IL1RAPL1: variants seen among roughly 807,000 people sequenced by gnomAD.
IL1RAPL1 encodes interleukin 1 receptor accessory protein like 1.
IL1RAPL1 carries 3 observed loss-of-function variants against 48.4 expected under a neutral mutation model. The observed-to-expected ratio is 0.06, with a 90% CI of 0.03 to 0.16. The LOEUF is 0.16. Among genes scored for constraint, IL1RAPL1 ranks in the 10% least tolerant of loss-of-function variants. The probability of loss-of-function intolerance (pLI) is 1.00; values close to 1 mark genes in which losing one functional copy is unlikely to be tolerated. For synonymous variants in IL1RAPL1, 185 were observed against 187.7 expected (o/e 0.99, Z 0.12); for missense variants, 349 against 530.6 (o/e 0.66, Z 3.36).
intron 2 of IL1RAPL1, among the ~76,000 whole-genome samples, chrX:29,242,711 C>T (rs1353407222): frequency 9.0e-6 from 1 of 111,560 alleles, no homozygotes; most frequent in Non-Finnish European, 1.9e-5. Context: ...TTAGATAGTA[C>T]GTATTTAATA....
chrX:28,755,936 G>A (rs971389772), intron 1 of IL1RAPL1, among the ~76,000 whole-genome samples: 7 of 111,552 alleles, frequency 6.3e-5, no homozygotes, highest in South Asian at 3.7e-4. Flanking sequence ...ATTGCTACTC[G>A]TTCTGGGGGC....
At chrX:29,342,794 G>A (rs996669894) in intron 3 of IL1RAPL1, among the ~76,000 whole-genome samples, 1 of 112,430 alleles carries the variant, frequency 8.9e-6, no homozygotes, top group Non-Finnish European at 1.9e-5. Context: ...TAAAAATTAC[G>A]ATGTTGATAA....
intron 2 of IL1RAPL1, among the ~76,000 whole-genome samples, chrX:29,130,367 A>G (rs955190266): frequency 2.7e-5 from 3 of 112,041 alleles, no homozygotes; most frequent in Non-Finnish European, 5.6e-5. Context: ...TTGGTTCTTT[A>G]TCCACTTATT....
intron 3 of IL1RAPL1, among the ~76,000 whole-genome samples, chrX:29,372,601 G>C (rs949422218): frequency 4.5e-5 from 5 of 110,791 alleles, no homozygotes; most frequent in Admixed American, 1.9e-4. Flanking sequence ...TATGGTGAAA[G>C]GTAGGGGTCC....
chrX:28,598,197 T>C (rs1466165874), intron 1 of IL1RAPL1, among the ~76,000 whole-genome samples: 2 of 112,583 alleles, frequency 1.8e-5, no homozygotes, highest in Non-Finnish European at 3.8e-5. Context: ...GATTTATTTC[T>C]AACAAGTGTG....
intron 8 of IL1RAPL1, among the ~76,000 whole-genome samples, chrX:29,924,183 C>CA (rs1932867844): frequency 8.9e-6 from 1 of 111,896 alleles, no homozygotes; most frequent in Non-Finnish European, 1.9e-5. Flanking sequence ...ACTTAGCACC[C>CA]AAAAAATGTT....
At chrX:29,054,694 T>G (rs764678842) in intron 2 of IL1RAPL1, among the ~76,000 whole-genome samples, 1 of 112,260 alleles carries the variant, frequency 8.9e-6, no homozygotes, top group South Asian at 3.7e-4. Context: ...TTACACTGAA[T>G]TGGGTTTTGG....
At chrX:28,768,755 CTATATATA>C (rs1207885215) in intron 1 of IL1RAPL1, among the ~76,000 whole-genome samples, 87 of 34,875 alleles carry the variant, frequency 2.5e-3, no homozygotes, top group African/African-American at 9.9e-3. Context: ...CTCTCTCTCT[CTATATATA>C]TATATATATA....
intron 2 of IL1RAPL1, among the ~76,000 whole-genome samples, chrX:28,952,579 T>C (rs1223010688): frequency 1.8e-5 from 2 of 111,470 alleles, no homozygotes; most frequent in Non-Finnish European, 3.8e-5. Flanking sequence ...ATGTTTTTTT[T>C]CCAATTGAAG....
chrX:29,116,940 T>TA (rs1928689662), intron 2 of IL1RAPL1, among the ~76,000 whole-genome samples: 1 of 111,518 alleles, frequency 9.0e-6, no homozygotes, highest in Admixed American at 9.6e-5. Flanking sequence ...AGATATTTCA[T>TA]ATATATTACC....
intron 6 of IL1RAPL1, among the ~76,000 whole-genome samples, chrX:29,730,841 A>G: frequency 9.0e-6 from 1 of 111,722 alleles, no homozygotes; most frequent in Middle Eastern, 4.6e-3. Flanking sequence ...TCCCACAGAT[A>G]TGAGATGACA....
intron 3 of IL1RAPL1, among the ~76,000 whole-genome samples, chrX:29,385,181 G>A (rs774465660): frequency 2.7e-5 from 3 of 112,113 alleles, no homozygotes; most frequent in African/African-American, 6.5e-5. Flanking sequence ...ACCCATGGGC[G>A]CAGTGGCTCA....
At chrX:28,849,063 A>G (rs1601930131) in intron 2 of IL1RAPL1, among the ~76,000 whole-genome samples, 1 of 109,844 alleles carries the variant, frequency 9.1e-6, no homozygotes, top group East Asian at 2.9e-4. Flanking sequence ...ATCATTTTGC[A>G]TTTTATAAAA....
At chrX:29,527,098 A>C (rs1225646337) in intron 5 of IL1RAPL1, among the ~76,000 whole-genome samples, 2 of 111,031 alleles carry the variant, frequency 1.8e-5, no homozygotes, top group Admixed American at 1.9e-4. Context: ...AACCAAATAC[A>C]TATAGAATTG....
At chrX:29,319,720 G>A (rs1490605051) in intron 3 of IL1RAPL1, among the ~76,000 whole-genome samples, 3 of 110,126 alleles carry the variant, frequency 2.7e-5, no homozygotes, top group African/African-American at 9.9e-5. Context: ...CTCAATGGGT[G>A]TTCCCATTCA....
chrX:29,586,804 A>G (rs1923180983), intron 5 of IL1RAPL1, among the ~76,000 whole-genome samples: 1 of 110,950 alleles, frequency 9.0e-6, no homozygotes, highest in African/African-American at 3.3e-5. Context: ...TGTAAATGGG[A>G]TTATTTTATT....
At chrX:29,802,820 T>TACATGTAC (rs1200124712) in intron 6 of IL1RAPL1, among the ~76,000 whole-genome samples, 1 of 52,834 alleles carries the variant, frequency 1.9e-5, no homozygotes, top group Non-Finnish European at 3.4e-5. Context: ...TGTGTGTATA[T>TACATGTAC]ATATGTATAC....
chrX:29,333,214 A>G (rs1351078648), intron 3 of IL1RAPL1, among the ~76,000 whole-genome samples: 2 of 105,512 alleles, frequency 1.9e-5, no homozygotes, highest in African/African-American at 6.9e-5. Context: ...CTCACTTCCC[A>G]GTAGGGGCGG....
At chrX:28,792,816 AAT>A (rs1555924328) in intron 2 of IL1RAPL1, among the ~76,000 whole-genome samples, 20 of 10,107 alleles carry the variant, frequency 2.0e-3, no homozygotes, top group Non-Finnish European at 3.2e-3. Flanking sequence ...AAAAAAAAAA[AAT>A]ATATATATAT....
Sources: allele counts gnomAD v4.1 joint callset (sites outside exome capture counted in the v4.1 genomes callset), GRCh38; gene constraint gnomAD v4.1.1; transcripts MANE v1.5; gene names NCBI Gene and HGNC (gene_info 2026-07-23, HGNC 2026-07-21).